UNC5C: variants seen among roughly 807,000 people sequenced by gnomAD.
The protein encoded by UNC5C is netrin receptor UNC5C.
In UNC5C, 47 loss-of-function variants were observed where a neutral mutation model predicts 99.8. The ratio of observed to expected loss-of-function variants is 0.47; its 90% CI spans 0.37 to 0.60. The LOEUF (loss-of-function observed/expected upper bound fraction) is 0.60, where lower values mean the gene tolerates loss of function less well. UNC5C is among the 20% of genes least tolerant of loss of function. The pLI, the probability that UNC5C is intolerant of heterozygous loss-of-function variation, is 0.00. For missense variants in UNC5C, 1,062 were observed against 1,165.9 expected (o/e 0.91, Z 1.30); for synonymous variants, 487 against 452.2 (o/e 1.08, Z -0.98).
At chr4:95,218,913 G>T in intron 9 of UNC5C, 56 bp downstream of exon 9, 4 of 1,497,628 alleles carry the variant, frequency 2.7e-6, no homozygotes, top group Non-Finnish European at 2.7e-6. Context: ...AAAGATTTTG[G>T]TATGGAAAAA....
intron 1 of UNC5C, among the ~76,000 whole-genome samples, chr4:95,483,940 T>C (rs1463937931): frequency 6.6e-6 from 1 of 151,918 alleles, no homozygotes; most frequent in Non-Finnish European, 1.5e-5. Context: ...CATTCATTCA[T>C]TCATATTCTA....
In UNC5C at chr4:95,206,715, G is replaced by T; in HGVS notation, c.1815C>A (p.Val605=). ...CTGCGCAGTGATGCATAGTGAGGAC[G>T]ACTGGGCGGGTGAGCAGAGCTCCTG... ...GPPGALLTRP[V]VLTMHHCADP... Residue 605 remains valine (V), a synonymous_variant, in exon 11 of 16, where the codon GTC becomes GTA. Transcript: ENST00000453304. 6.2e-7 allele frequency: 1 copy of T among 1,614,042 alleles called. No homozygotes were observed. Among genetic ancestry groups the T allele is most frequent in the Non-Finnish European group, 8.5e-7 (1 of 1,179,990 alleles).
At chr4:95,378,625 A>G (rs1744967031) in intron 1 of UNC5C, among the ~76,000 whole-genome samples, 1 of 152,194 alleles carries the variant, frequency 6.6e-6, no homozygotes, top group Admixed American at 6.5e-5. Flanking sequence ...TCCAATAGAT[A>G]TTTATTTAAT....
intron 1 of UNC5C, among the ~76,000 whole-genome samples, chr4:95,467,828 G>A (rs925061362): frequency 3.3e-5 from 5 of 152,148 alleles, no homozygotes; most frequent in Admixed American, 2.6e-4. Flanking sequence ...CACATATATT[G>A]TATGTTATAT....
At chr4:95,246,940 G>C (rs114841225) in intron 5 of UNC5C, among the ~76,000 whole-genome samples, 5,476 of 152,000 alleles carry the variant, frequency 0.036, 118 homozygotes, top group South Asian at 0.075. Flanking sequence ...TACTTGGGAG[G>C]CTGAGGAGGG....
intron 2 of UNC5C, among the ~76,000 whole-genome samples, chr4:95,302,802 T>C (rs1264609580): frequency 6.6e-6 from 1 of 152,252 alleles, no homozygotes. Flanking sequence ...AAAGATAATG[T>C]ATCAGCACTT....
intron 3 of UNC5C, among the ~76,000 whole-genome samples, chr4:95,298,446 T>G (rs1379968675): frequency 6.6e-6 from 1 of 152,142 alleles, no homozygotes; most frequent in African/African-American, 2.4e-5. Context: ...GTCCTCTCAC[T>G]CACTATTCTA....
At chr4:95,205,330 C>T (rs1737837176) in intron 11 of UNC5C, among the ~76,000 whole-genome samples, 2 of 152,136 alleles carry the variant, frequency 1.3e-5, no homozygotes, top group African/African-American at 2.4e-5. Context: ...TCATTTAAAG[C>T]TTAAACAGAA....
chr4:95,530,886 A>T (rs1208279956), intron 1 of UNC5C, among the ~76,000 whole-genome samples: 1 of 152,222 alleles, frequency 6.6e-6, no homozygotes, highest in Admixed American at 6.5e-5. Flanking sequence ...TCAAGATTCG[A>T]TGACCTTTGA....
chr4:95,354,479 ATTT>A (rs1553965987), intron 1 of UNC5C, among the ~76,000 whole-genome samples: 1 of 110,350 alleles, frequency 9.1e-6, no homozygotes, highest in Non-Finnish European at 1.8e-5. Flanking sequence ...ATATATATAT[ATTT>A]TTTTTTTTTT....
chr4:95,368,482 T>C (rs1744647351), intron 1 of UNC5C, among the ~76,000 whole-genome samples: 1 of 151,976 alleles, frequency 6.6e-6, no homozygotes, highest in South Asian at 2.1e-4. Flanking sequence ...AGCAATAAAT[T>C]GAAAGGTAGG....
intron 11 of UNC5C, 26 bp downstream of exon 11, chr4:95,206,602 G>A (rs769455928): frequency 8.7e-6 from 14 of 1,613,538 alleles, no homozygotes; most frequent in Middle Eastern, 1.7e-4. Flanking sequence ...TTCTTGCATA[G>A]CATCTTTATC....
intron 12 of UNC5C, among the ~76,000 whole-genome samples, chr4:95,200,750 C>T (rs1443548136): frequency 9.9e-5 from 15 of 152,194 alleles, no homozygotes; most frequent in Non-Finnish European, 1.5e-5. Flanking sequence ...AAAATCTGCT[C>T]TCTGTTCAGA....
intron 1 of UNC5C, among the ~76,000 whole-genome samples, chr4:95,391,177 G>A (rs538678671): frequency 4.8e-4 from 73 of 152,270 alleles, no homozygotes; most frequent in African/African-American, 1.5e-3. Flanking sequence ...GGAACTGTGA[G>A]TCCATTAAAC....
chr4:95,506,703 T>C (rs1424621856), intron 1 of UNC5C, among the ~76,000 whole-genome samples: 1 of 151,748 alleles, frequency 6.6e-6, no homozygotes. Flanking sequence ...CAATCTGGGG[T>C]TGTTAAATAG....
At chr4:95,220,266 C>T in intron 7 of UNC5C, 90 bp from the exon 8 acceptor site, 1 of 1,208,592 alleles carries the variant, frequency 8.3e-7, no homozygotes, top group Admixed American at 3.1e-5. Context: ...CAGACATTTA[C>T]TGCCTTTTTT....
At chr4:95,212,429 C>T (rs1738103938) in intron 10 of UNC5C, among the ~76,000 whole-genome samples, 1 of 152,118 alleles carries the variant, frequency 6.6e-6, no homozygotes. Context: ...AACCTTCGTA[C>T]TTTCATTAGG....
intron 1 of UNC5C, among the ~76,000 whole-genome samples, chr4:95,345,595 C>T (rs978201713): frequency 6.6e-6 from 1 of 151,892 alleles, no homozygotes; most frequent in Non-Finnish European, 1.5e-5. Flanking sequence ...AAGGATAGAC[C>T]ATGTGTTATG....
rs962210461 is a variant in UNC5C at position 95,526,207 on chromosome 4, G to A, written c.124+22527C>T. 7.2e-5 allele frequency among the ~76,000 whole-genome samples: 11 copies of A among 152,200 alleles called. No homozygotes were observed. The East Asian group carries it at 1.9e-3, about 27-fold the overall frequency. On this transcript the variant is annotated intron_variant, in intron 1 of 15. Transcript: ENST00000453304. ...CATGATCTTGCAGTGTCCTGGTAGG[G>A]TGATTATCCATCTTGTTTACCCAGG...
Sources: allele counts gnomAD v4.1 joint callset (sites outside exome capture counted in the v4.1 genomes callset), GRCh38; gene constraint gnomAD v4.1.1; transcripts MANE v1.5; gene names NCBI Gene and HGNC (gene_info 2026-07-23, HGNC 2026-07-21).